Variants in EML6 observed in about 807,000 individuals in gnomAD.
The protein encoded by EML6 is EMAP like 6, also known as echinoderm microtubule-associated protein-like 6.
A neutral mutation model predicts 240.1 loss-of-function variants in EML6; 154 were observed. The ratio of observed to expected loss-of-function variants is 0.64; its 90% CI spans 0.56 to 0.73. The LOEUF is 0.73. Among genes scored for constraint, EML6 ranks in the 30% least tolerant of loss-of-function variants. EML6 has a pLI of 0.00. For missense variants in EML6, 2,964 were observed against 2,474.6 expected, an observed-to-expected ratio of 1.20 and a Z score of -4.20; for synonymous variants, 1,148 against 899.0, an observed-to-expected ratio of 1.28 and a Z score of -4.95.
At chr2:54,864,037 CAGGTTAAAACCG>C in intron 13 of EML6, 148 bp downstream of exon 13, 2 of 534,484 alleles carry the variant, frequency 3.7e-6, no homozygotes, top group South Asian at 6.0e-5. Flanking sequence ...CCTTTAAGTG[CAGGTTAAAACCG>C]ACGTGTTTAC....
At chr2:54,727,435 T>A (rs1241388719) in intron 2 of EML6, among the ~76,000 whole-genome samples, 1 of 152,244 alleles carries the variant, frequency 6.6e-6, no homozygotes, top group African/African-American at 2.4e-5. Flanking sequence ...GCTATGAAAT[T>A]GGAATGTTTA....
chr2:54,873,564 G>A (rs564640982), intron 16 of EML6, among the ~76,000 whole-genome samples: 6 of 151,614 alleles, frequency 4.0e-5, no homozygotes, highest in African/African-American at 7.3e-5. Flanking sequence ...GTTCAAATAC[G>A]ATTGTATTTC....
At chr2:54,781,170 A>C (rs941399059) in intron 2 of EML6, among the ~76,000 whole-genome samples, 2 of 152,224 alleles carry the variant, frequency 1.3e-5, no homozygotes, top group Admixed American at 1.3e-4. Context: ...CCCTTTTTAC[A>C]TGCGAGGCAT....
At chr2:54,943,856 C>T (rs566293707) in intron 28 of EML6, among the ~76,000 whole-genome samples, 1 of 152,064 alleles carries the variant, frequency 6.6e-6, no homozygotes, top group Non-Finnish European at 1.5e-5. Flanking sequence ...CTTCAAATTC[C>T]AGTGTGTATT....
intron 26 of EML6, 64 bp downstream of exon 26, chr2:54,916,999 T>A: frequency 2.4e-6 from 3 of 1,273,782 alleles, no homozygotes; most frequent in Non-Finnish European, 3.2e-6. Context: ...ATATTGTATC[T>A]AAGTGCATTT....
At chr2:54,886,183 T>TTTGG (rs1672129713) in intron 17 of EML6, among the ~76,000 whole-genome samples, 1 of 131,042 alleles carries the variant, frequency 7.6e-6, no homozygotes. Flanking sequence ...TTTTTTTTCT[T>TTTGG]GAGATGGTGT....
chr2:54,921,224 C>T (rs1454197177), intron 26 of EML6, among the ~76,000 whole-genome samples: 1 of 151,948 alleles, frequency 6.6e-6, no homozygotes, highest in Non-Finnish European at 1.5e-5. Flanking sequence ...AAGACCCCCC[C>T]AAAAGCTATT....
At chr2:54,965,248 T>G (rs570890610) in intron 38 of EML6, among the ~76,000 whole-genome samples, 1 of 152,346 alleles carries the variant, frequency 6.6e-6, no homozygotes, top group African/African-American at 2.4e-5. Flanking sequence ...AACAGAATGA[T>G]TTCTCTAGCA....
chr2:54,807,135 C>T lies in EML6; in HGVS notation c.198-6097C>T, dbSNP rs571575128. ...TTTTTTTTCCTCTTTTTCTAAACTC[C>T]TATATCTGTGGTCAGTCTATGGTTG... is the stretch of plus-strand genomic sequence containing the variant. On this transcript the variant is annotated intron_variant, in intron 2 of 41. Transcript: ENST00000356458. Among the ~76,000 whole-genome samples, 36 of 152,030 alleles carry T rather than the reference C, an allele frequency of 2.4e-4. No individual in the cohort carries two copies. The South Asian group carries it at 6.2e-3, about 26-fold the overall frequency.
Position 54,956,019 on chromosome 2 carries a change from G to GTA in EML6, c.4487-1770_4487-1769insAT, listed in dbSNP as rs947855674. On this transcript the variant is annotated intron_variant, in intron 32 of 41. Coordinates refer to ENST00000356458, the MANE Select transcript of EML6 (RefSeq NM_001039753.4). ...TTATTAGAGGATTGTTTTGGGGAAC[G>GTA]TGTGTGTGTGTGTGTGTAGGTAAAA... Among the ~76,000 whole-genome samples the GTA allele has an allele frequency of 3.7e-4, 11 of 29,396 alleles. No homozygotes were observed. The Admixed American group carries it at 3.8e-3, about 10-fold the overall frequency. 19.3% of individuals were successfully genotyped at this position (29,396 alleles called of 152,430 possible).
rs149664533 is a variant in EML6, at chr2:54,935,534, A to G, written c.4004+6783A>G. ...AACCAAATCAATGTCAAGAATTATT[A>G]GAGACATTTAAAACTTTACCCAATT... On this transcript the variant is annotated intron_variant, in intron 28 of 41. Transcript: ENST00000356458. Among the ~76,000 whole-genome samples the G allele has an allele frequency of 1.3e-3, 203 of 152,372 alleles. 1 individual carries two copies. Among genetic ancestry groups the G allele is most frequent in the African/African-American group, 4.4e-3 (181 of 41,598 alleles).
chr2:54,814,680 A>G (rs73935662), intron 3 of EML6, among the ~76,000 whole-genome samples: 3,712 of 152,302 alleles, frequency 0.024, 153 homozygotes, highest in African/African-American at 0.085. Context: ...TCTGTGGGAA[A>G]TTCAGTGGAT....
chr2:54,823,886 C>CTCTCTCTTTCTG (rs1558580525), intron 5 of EML6, among the ~76,000 whole-genome samples: 2 of 150,908 alleles, frequency 1.3e-5, no homozygotes, highest in African/African-American at 4.9e-5. Flanking sequence ...CTTTCTGTCT[C>CTCTCTCTTTCTG]TCTCTCTCTC....
chr2:54,747,863 CTTTA>C (rs142781693), intron 2 of EML6, among the ~76,000 whole-genome samples: 6,539 of 152,070 alleles, frequency 0.043, 450 homozygotes, highest in African/African-American at 0.15. Context: ...TTTTAATCTT[CTTTA>C]TTTATAACTA....
At chr2:54,798,250 G>A (rs916648844) in intron 2 of EML6, among the ~76,000 whole-genome samples, 2 of 152,116 alleles carry the variant, frequency 1.3e-5, no homozygotes, top group Non-Finnish European at 2.9e-5. Flanking sequence ...TCGGCTCACT[G>A]CAACCTCTGC....
chr2:54,894,540 T>A (rs2104131067), intron 19 of EML6, among the ~76,000 whole-genome samples: 1 of 152,318 alleles, frequency 6.6e-6, no homozygotes, highest in South Asian at 2.1e-4. Context: ...TCAATCCATT[T>A]GGTCAGAGTA....
intron 24 of EML6, 64 bp downstream of exon 24, chr2:54,903,566 G>C: frequency 8.1e-7 from 1 of 1,238,722 alleles, no homozygotes; most frequent in Non-Finnish European, 1.1e-6. Flanking sequence ...TTTATGCATT[G>C]TTTCTAGAGA....
Position 54,853,656 on chromosome 2 carries a change from A to T in EML6, c.1458A>T (p.Leu486Phe). The change falls in exon 11 of 42, where the codon TTA becomes TTT. Residue 486 changes from leucine to phenylalanine, a missense_variant. Coordinates refer to ENST00000356458, the MANE Select transcript of EML6 (RefSeq NM_001039753.4). ...GATTATTTTCAGCTGGGAAGCCTTT[A>T]ACAAGTAAAGAAGAAATTAAAGGGA... ...LFYRMPSGKP[L>F]TSKEEIKGIP... 4 of 1,543,536 alleles carry T rather than the reference A, an allele frequency of 2.6e-6. No homozygotes were observed. The highest frequency in any genetic ancestry group is 3.5e-6 in the Non-Finnish European group (4 of 1,142,370).
chr2:54,919,138 C>T (rs936906369), intron 26 of EML6, among the ~76,000 whole-genome samples: 2 of 151,798 alleles, frequency 1.3e-5, no homozygotes, highest in African/African-American at 2.4e-5. Context: ...TTCTCCTTTG[C>T]GGTTTGAAGA....
Sources: gnomAD v4.1 joint callset for allele counts (sites outside exome capture counted in the v4.1 genomes callset) on GRCh38, gnomAD v4.1.1 for gene constraint, MANE v1.5 for transcripts, NCBI Gene and HGNC (gene_info 2026-07-23, HGNC 2026-07-21) for gene names.